The following HR variants were observed in gnomAD, a reference collection of about 807,000 sequenced individuals.
HR encodes the protein lysine-specific demethylase hairless.
Under a neutral mutation model 128.6 loss-of-function variants are expected in HR, and 83 were observed. That is an observed-to-expected ratio of 0.65 (90% CI 0.54 to 0.77). The LOEUF is 0.77. Among genes scored for constraint, HR ranks in the 30% least tolerant of loss-of-function variants. The probability of loss-of-function intolerance (pLI) is 0.00; values close to 1 mark genes in which losing one functional copy is unlikely to be tolerated. For synonymous variants in HR, 681 were observed against 658.2 expected, an observed-to-expected ratio of 1.03 and a Z score of -0.53; for missense variants, 1,490 against 1,574.6, an observed-to-expected ratio of 0.95 and a Z score of 0.91.
chr8:22,123,887 A>T, intron 5 of HR, 74 bp from the exon 6 acceptor site: 1 of 1,508,162 alleles, frequency 6.6e-7, no homozygotes, highest in East Asian at 2.4e-5. Context: ...CGTGGGAAGG[A>T]TCCAAGGAGG....
At chr8:22,120,274 C>T (rs1210341846) in intron 12 of HR, 68 bp downstream of exon 12, 55 of 1,611,872 alleles carry the variant, frequency 3.4e-5, no homozygotes, top group Non-Finnish European at 4.5e-5. Flanking sequence ...CACCCTGGGA[C>T]TCCTCTGCCA....
In HR at chr8:22,129,157, G is replaced by T; in HGVS notation, c.14C>A (p.Pro5His). Residue 5 changes from proline to histidine, a missense_variant, in exon 2 of 19, where the codon CCC becomes CAC. Physicochemically the swap from Pro to His is moderately conservative, Grantham distance 77 (BLOSUM62 -2). Around this residue, in one of 3 missense-constraint regions of HR, gnomAD observed 1,060 missense variants for 1,060.9 expected, o/e 1.00. Transcript: ENST00000381418. MESTPSFLKGTPTWE... is the reference protein window; with the variant it reads MESTHSFLKGTPTWE... ...GGTTGGGGTGCCCTTCAGGAAGCTG[G>T]GCGTACTCTCCATCACTCTCCTGCC... The T allele has an allele frequency of 6.5e-7, 1 of 1,541,612 alleles. No individual in the cohort carries two copies. The highest frequency in any genetic ancestry group is 8.7e-7 in the Non-Finnish European group (1 of 1,148,284).
At chr8:22,123,499 T>C in intron 6 of HR, 150 bp downstream of exon 6, 1 of 752,096 alleles carries the variant, frequency 1.3e-6, no homozygotes, top group Non-Finnish European at 2.2e-6. Context: ...GGAAGTCTGC[T>C]CTAAGGGCAT....
chr8:22,117,438 A>G, intron 16 of HR: 1 of 196,054 alleles, frequency 5.1e-6, no homozygotes, highest in South Asian at 1.4e-4. Flanking sequence ...TCTTCATCTG[A>G]AGTCTTTGGA....
intron 1 of HR, among the ~76,000 whole-genome samples, 163 bp downstream of exon 1, chr8:22,130,265 C>T (rs1283776506): frequency 1.3e-5 from 2 of 152,232 alleles, no homozygotes; most frequent in African/African-American, 2.4e-5. Flanking sequence ...GGAGCCACCG[C>T]TCCGCCGTGG....
rs559154573 is a variant in HR, at chr8:22,123,711, C to T, written c.1853G>A (p.Ser618Asn). The T allele has an allele frequency of 2.5e-5, 40 of 1,573,446 alleles. 3 individuals carry two copies. The South Asian group carries it at 4.5e-4, about 18-fold the overall frequency. ...ACCACAGGCCACACACAGCCGGTGG[C>T]TGCAGCGGGGACATCGCCAGTGGGT... ...FNTHWRCPRC[S>N]HRLCVACGRV... Residue 618 changes from serine to asparagine, a missense_variant, in exon 6 of 19, where the codon AGC becomes AAC. This residue lies in a region of HR where 1,060 missense variants were observed against 1,060.9 expected (regional missense o/e 1.00). Transcript: ENST00000381418.
intron 6 of HR, 32 bp downstream of exon 6, chr8:22,123,617 T>TTGGGGGGGGGC: frequency 6.8e-6 from 2 of 292,092 alleles, no homozygotes; most frequent in Non-Finnish European, 1.2e-5. Flanking sequence ...GAGGGCTCCA[T>TTGGGGGGGGGC]CCCGCCCTCC....
chr8:22,125,688 C>T lies in HR; in HGVS notation c.1450G>A (p.Asp484Asn). 1.2e-6 allele frequency: 2 copies of T among 1,613,924 alleles called. No individual in the cohort carries two copies. The highest frequency in any genetic ancestry group is 2.2e-5 in the South Asian group (2 of 90,994). Reference sequence around the variant, plus strand: ...GCAGGGAGAGCCAGGCATGGTATGTCCTGAAGTCCCGGGTCCTGGAGACTG... The same window carrying T: ...GCAGGGAGAGCCAGGCATGGTATGTTCTGAAGTCCCGGGTCCTGGAGACTG... The part of the protein sequence containing the change: ...QASLQDPGLQ[D>N]IPCLALPAKL... The change falls in exon 4 of 19, where the codon GAC becomes AAC. Residue 484 changes from aspartate (D) to asparagine (N), a missense_variant. Transcript: ENST00000381418.
rs533940079 is a variant in HR, at chr8:22,116,524, C to A, written c.3379-96G>T. The A allele has an allele frequency of 3.0e-5, 41 of 1,385,324 alleles. No homozygotes were observed. The African/African-American group carries it at 5.9e-4, about 20-fold the overall frequency. The allele number at this position is 1,385,324 out of a possible 1,614,324, so 85.8% of individuals were successfully genotyped here. ...GTTCGCTTCCTCTAATGACAACCAC[C>A]CCCGACCCCTGGCTCTCAGAGAGCA... On this transcript the variant is annotated intron_variant, in intron 17 of 18. Transcript: ENST00000381418. The surrounding 1 kb of genome is among the most constrained non-coding windows in gnomAD (Gnocchi z 4.2).
At chr8:22,124,395 A>C (rs894575577) in intron 5 of HR, among the ~76,000 whole-genome samples, 1 of 152,172 alleles carries the variant, frequency 6.6e-6, no homozygotes, top group Non-Finnish European at 1.5e-5. Context: ...GCGCCCAGCC[A>C]GGAGTGGGGT....
intron 3 of HR, among the ~76,000 whole-genome samples, chr8:22,126,676 C>G (rs976032071): frequency 6.6e-6 from 1 of 152,216 alleles, no homozygotes; most frequent in Admixed American, 6.5e-5. Flanking sequence ...GTCTTCTTCC[C>G]CATTTTATAG....
chr8:22,119,491 C>T (rs1191612292), intron 14 of HR, among the ~76,000 whole-genome samples: 1 of 152,044 alleles, frequency 6.6e-6, no homozygotes, highest in Non-Finnish European at 1.5e-5. Flanking sequence ...CCTGTAATCC[C>T]AGCTACTCGG....
rs749826507 is a variant in HR, at chr8:22,122,619, G to T, written c.2006-11C>A. The T allele has an allele frequency of 1.3e-6, 2 of 1,599,498 alleles. No individual in the cohort carries two copies. Among genetic ancestry groups the T allele is most frequent in the Non-Finnish European group, 8.5e-7 (1 of 1,170,904 alleles). On this transcript the variant is annotated splice_polypyrimidine_tract_variant and intron_variant, in intron 7 of 18. Transcript: ENST00000381418. The stretch of plus-strand genomic sequence containing the variant: ...TCAGCTCTGCCAAAGCTGGGGGTGG[G>T]GGTGGGCAGGAGAGGGAGGTTGGTG...
At position 22,127,757 on chromosome 8, in the gene HR, A is replaced by G. The variant is rs1826938244; in HGVS notation, c.685T>C (p.Phe229Leu). The part of the protein sequence containing the change: ...EPLAAAEPGL[F>L]GLNSGGHLQR... ...AGGTGCCCACCAGAGTTTAAGCCAA[A>G]CAACCCAGGTTCCGCAGCTGCCAAG... The change falls in exon 3 of 19, where the codon TTT becomes CTT. Residue 229 changes from phenylalanine to leucine, a missense_variant. Phe to Leu is a conservative substitution (Grantham distance 22). Coordinates refer to ENST00000381418, the MANE Select transcript of HR (RefSeq NM_005144.5). 6.2e-7 allele frequency: 1 copy of G among 1,602,126 alleles called. No individual in the cohort carries two copies. Among genetic ancestry groups the G allele is most frequent in the Non-Finnish European group, 8.5e-7 (1 of 1,179,978 alleles).
intron 15 of HR, 31 bp downstream of exon 15, chr8:22,119,133 T>TC: frequency 6.2e-7 from 1 of 1,613,568 alleles, no homozygotes; most frequent in Non-Finnish European, 8.5e-7. Context: ...CTGTAGCTTG[T>TC]CCCCGCTCCT....
Position 22,123,791 on chromosome 8 carries a change from C to T in HR, c.1773G>A (p.Glu591=). The change falls in exon 6 of 19, where the codon GAG becomes GAA. Residue 591 remains glutamate (E), a synonymous_variant. Transcript: ENST00000381418. The stretch of plus-strand genomic sequence containing the variant: ...AGCAGCGTGGAATGCCTGGGCTGTC[C>T]TCTGTCACGGCTGGCCCTTGGCCTG... ...QREGQGPAVT[E]DSPGIPRCCS... 6.2e-7 allele frequency: 1 copy of T among 1,603,682 alleles called. No individual in the cohort carries two copies. Among genetic ancestry groups the T allele is most frequent in the Non-Finnish European group, 8.5e-7 (1 of 1,177,652 alleles).
In HR at chr8:22,114,837, G is replaced by C. The variant is rs981198601; in HGVS notation, c.*863C>G. On this transcript the variant is annotated 3_prime_UTR_variant, in exon 19 of 19. Coordinates refer to ENST00000381418, the MANE Select transcript of HR (RefSeq NM_005144.5). ...TGTGCCCCAGGACTCTGCCTTGCCT[G>C]CTCTTGCACTCAGGAGCATCTTTGG... The C allele has an allele frequency of 6.6e-6, 1 of 152,380 alleles. No individual in the cohort carries two copies. Among genetic ancestry groups the C allele is most frequent in the African/African-American group, 2.4e-5 (1 of 41,446 alleles). The allele number at this position is 152,380 out of a possible 1,614,324, so 9.4% of individuals were successfully genotyped here.
intron 6 of HR, 32 bp downstream of exon 6, chr8:22,123,617 T>TGGGGGCGGCC: frequency 3.4e-6 from 1 of 292,092 alleles, no homozygotes; most frequent in Non-Finnish European, 6.2e-6. Flanking sequence ...GAGGGCTCCA[T>TGGGGGCGGCC]CCCGCCCTCC....
chr8:22,117,114 T>G, intron 16 of HR, 75 bp from the exon 17 acceptor site: 4 of 1,376,632 alleles, frequency 2.9e-6, no homozygotes, highest in Non-Finnish European at 3.8e-6. Flanking sequence ...GCATGGACTT[T>G]CCAGAGGCCA....
Sources: allele counts gnomAD v4.1 joint callset (sites outside exome capture counted in the v4.1 genomes callset), GRCh38; gene constraint gnomAD v4.1.1; regional missense constraint gnomAD v4.1.1; non-coding constraint Gnocchi (gnomAD v3.1); transcripts MANE v1.5; gene names NCBI Gene and HGNC (gene_info 2026-07-23, HGNC 2026-07-21).